COL2A1: variants seen among roughly 807,000 people sequenced by gnomAD.
The protein encoded by COL2A1 is collagen alpha-1(II) chain.
COL2A1 carries 28 observed loss-of-function variants against 204.5 expected under a neutral mutation model. The observed-to-expected ratio is 0.14, with a 90% confidence interval of 0.10 to 0.19. COL2A1 has a LOEUF of 0.19. Among genes scored for constraint, COL2A1 ranks in the 10% least tolerant of loss-of-function variants. COL2A1 has a pLI of 1.00. For synonymous variants in COL2A1, 708 were observed against 718.7 expected (o/e 0.99, Z 0.24); for missense variants, 1,388 against 2,027.5 (o/e 0.68, Z 6.06).
intron 36 of COL2A1, 137 bp downstream of exon 36, chr12:47,981,639 G>GC: frequency 1.8e-6 from 2 of 1,101,536 alleles, no homozygotes; most frequent in South Asian, 1.3e-5. Context: ...TTCTGAGAGG[G>GC]CCCCCTCTTC....
chr12:48,004,428 T>G lies in COL2A1; in HGVS notation c.-107A>C. On this transcript the variant is annotated 5_prime_UTR_variant, in exon 1 of 54. Transcript: ENST00000380518. Reference sequence around the variant, plus strand: ...ACCGCGCCCTCATGCAGGAGGCCCTTGGAGCAGGAGGGGGAAGCGGGAGAC... The same window carrying G: ...ACCGCGCCCTCATGCAGGAGGCCCTGGGAGCAGGAGGGGGAAGCGGGAGAC... The G allele has an allele frequency of 3.1e-6, 2 of 644,228 alleles. No individual in the cohort carries two copies. The highest frequency in any genetic ancestry group is 2.7e-6 in the Non-Finnish European group (1 of 364,082). 39.9% of individuals were successfully genotyped at this position (644,228 alleles called of 1,614,324 possible).
In COL2A1 at chr12:47,977,887, C is replaced by T. The variant is rs562049171; in HGVS notation, c.3111+123G>A. 880 of 1,013,972 alleles carry T rather than the reference C, an allele frequency of 8.7e-4. 10 individuals carry two copies. The South Asian group carries it at 0.011, about 13-fold the overall frequency. 62.8% of individuals were successfully genotyped at this position (1,013,972 alleles called of 1,614,324 possible). A position where few individuals can be genotyped will look rare whatever the true frequency, so the allele number is the denominator to read the frequency against. On this transcript the variant is annotated intron_variant, in intron 44 of 53. Coordinates refer to ENST00000380518, the MANE Select transcript of COL2A1 (RefSeq NM_001844.5). Reference sequence around the variant, plus strand: ...ATTGTACCTAGGCTTTCAGGCCTGTCGGCCGACACTGCCACCCCCTTCTCC... The same window carrying T: ...ATTGTACCTAGGCTTTCAGGCCTGTTGGCCGACACTGCCACCCCCTTCTCC...
Position 47,993,879 on chromosome 12 carries a change from A to G in COL2A1, c.871-17T>C. On this transcript the variant is annotated splice_polypyrimidine_tract_variant and intron_variant, in intron 13 of 53. Coordinates refer to ENST00000380518, the MANE Select transcript of COL2A1 (RefSeq NM_001844.5). The stretch of plus-strand genomic sequence containing the variant: ...TGGATAACCCTAGGGAACAAGAGAA[A>G]ATGTTCAATCAGACTTCTGGGAAAC... 1 of 1,614,138 alleles carries G rather than the reference A, an allele frequency of 6.2e-7. No individual in the cohort carries two copies. The highest frequency in any genetic ancestry group is 8.5e-7 in the Non-Finnish European group (1 of 1,180,016).
chr12:47,998,615 T>C, intron 2 of COL2A1, 184 bp from the exon 3 acceptor site: 1 of 638,808 alleles, frequency 1.6e-6, no homozygotes, highest in Non-Finnish European at 2.8e-6. Flanking sequence ...GGCCCTGGGG[T>C]TGCTGAGGTC....
rs769500366 is a variant in COL2A1, at chr12:47,978,600, G to A, written c.2892C>T (p.Pro964=). 5.6e-6 allele frequency: 9 copies of A among 1,613,408 alleles called. No individual in the cohort carries two copies. The South Asian group carries it at 9.9e-5, about 18-fold the overall frequency. The change falls in exon 42 of 54, where the codon CCC becomes CCT. Residue 964 remains proline (P), a synonymous_variant. Transcript: ENST00000380518. This position sits in a 1 kb window ranked among gnomAD's most constrained non-coding sequence, Gnocchi z 5.5. ...ATGGGCCTGGTGAGGGACTTACAGA[G>A]GGACCGTCATCTCCAGGCTCTCCCT... ...GEKGEPGDDG[P]SGAEGPPGPQ...
rs954884935 is a variant in COL2A1 at position 47,980,584 on chromosome 12, A to G, written c.2595T>C (p.Pro865=). 1.2e-6 allele frequency: 2 copies of G among 1,612,058 alleles called. No individual in the cohort carries two copies. The highest frequency in any genetic ancestry group is 2.7e-5 in the African/African-American group (2 of 74,906). Residue 865 remains proline, a synonymous_variant, in exon 39 of 54, where the codon CCT becomes CCC. Transcript: ENST00000380518. This position sits in a 1 kb window ranked among gnomAD's most constrained non-coding sequence, Gnocchi z 4.5. ...GQKGDAGAPG[P]QGPSGAPGPQ... ...GCCCAGGTGCTCCAGAGGGGCCCTG[A>G]GGACCAGGGGCACCAGCATCGCCTT...
At position 47,973,314 on chromosome 12, in the gene COL2A1, C is replaced by T; in HGVS notation, c.*93G>A. 1 of 1,539,030 alleles carries T rather than the reference C, an allele frequency of 6.5e-7. No homozygotes were observed. The highest frequency in any genetic ancestry group is 9.0e-7 in the Non-Finnish European group (1 of 1,111,636). ...ATGAATGGACATCAGGTCAGGTCAGCCATTCAGTGCAGAGTCCTAGAGTGA... is the reference window on the plus strand; with the variant it reads ...ATGAATGGACATCAGGTCAGGTCAGTCATTCAGTGCAGAGTCCTAGAGTGA... On this transcript the variant is annotated 3_prime_UTR_variant, in exon 54 of 54. Coordinates refer to ENST00000380518, the MANE Select transcript of COL2A1 (RefSeq NM_001844.5).
intron 18 of COL2A1, among the ~76,000 whole-genome samples, chr12:47,988,989 A>C (rs1939574168): frequency 6.6e-6 from 1 of 150,534 alleles, no homozygotes; most frequent in South Asian, 2.1e-4. Flanking sequence ...ACCTTTCCCC[A>C]CTCCAAAGTT....
intron 16 of COL2A1, among the ~76,000 whole-genome samples, chr12:47,992,190 C>T (rs569208140): frequency 6.6e-6 from 1 of 152,276 alleles, no homozygotes; most frequent in East Asian, 1.9e-4. Flanking sequence ...CTGTCTGGCA[C>T]CCTGCACCCT....
chr12:47,994,387 A>G (rs762793984), intron 12 of COL2A1, 37 bp downstream of exon 12: 9 of 1,613,034 alleles, frequency 5.6e-6, no homozygotes, highest in Non-Finnish European at 6.8e-6. Context: ...GGGAGACGCT[A>G]GGAAAGATGC....
In COL2A1 at chr12:47,987,787, GC is replaced by G; in HGVS notation, c.1123-79del. On this transcript the variant is annotated intron_variant, in intron 18 of 53. Coordinates refer to ENST00000380518, the MANE Select transcript of COL2A1 (RefSeq NM_001844.5). This position sits in a 1 kb window ranked among gnomAD's most constrained non-coding sequence, Gnocchi z 4.1. Reference sequence around the variant, plus strand: ...TCTAGTGGGTGGGCAATAGCTCAGGGCCAGCTGCAAGCACAGCACTAAATTA... The same window carrying G: ...TCTAGTGGGTGGGCAATAGCTCAGGGCAGCTGCAAGCACAGCACTAAATTA... The G allele has an allele frequency of 9.0e-7, 1 of 1,112,332 alleles. No individual in the cohort carries two copies. 68.9% of individuals were successfully genotyped at this position (1,112,332 alleles called of 1,614,324 possible). A position where few individuals can be genotyped will look rare whatever the true frequency, so the allele number is the denominator to read the frequency against.
At chr12:47,989,872 A>G in intron 16 of COL2A1, 67 bp from the exon 17 acceptor site, 18 of 1,490,166 alleles carry the variant, frequency 1.2e-5, no homozygotes, top group Non-Finnish European at 1.7e-5. Flanking sequence ...CTCCCAGCCC[A>G]CCCTTACAGA....
chr12:48,004,982 A>G (rs975568605), upstream of COL2A1, among the ~76,000 whole-genome samples: 5 of 152,174 alleles, frequency 3.3e-5, no homozygotes, highest in African/African-American at 9.7e-5. Context: ...GCCCACAGAG[A>G]TTCAGAGTCC....
intron 1 of COL2A1, among the ~76,000 whole-genome samples, chr12:48,001,536 A>C (rs377326443): frequency 2.6e-5 from 4 of 152,046 alleles, no homozygotes; most frequent in Admixed American, 6.5e-5. Context: ...ACCCTCGCCC[A>C]TGAGGACCCA....
chr12:47,993,989 C>A lies in COL2A1; in HGVS notation c.870+5G>T. 1.2e-6 allele frequency: 2 copies of A among 1,614,174 alleles called. No individual in the cohort carries two copies. The highest frequency in any genetic ancestry group is 1.1e-5 in the South Asian group (1 of 91,082). Reference sequence around the variant, plus strand: ...CCTTCCAACCTTCTCACCCGTGATACTTACTCTGTGACCTTTGACACCAGG... The same window carrying A: ...CCTTCCAACCTTCTCACCCGTGATAATTACTCTGTGACCTTTGACACCAGG... On this transcript the variant is annotated splice_donor_5th_base_variant and intron_variant, in intron 13 of 53. Transcript: ENST00000380518.
rs1478366137 is a variant in COL2A1, at chr12:47,980,460, G to A, written c.2625+94C>T. ...AACATGGGGGTGTTCCCAGGCCTGC[G>A]AACCATCCTCTGCGCAGCCTGCTGG... On this transcript the variant is annotated intron_variant, in intron 39 of 53. Coordinates refer to ENST00000380518, the MANE Select transcript of COL2A1 (RefSeq NM_001844.5). This position sits in a 1 kb window ranked among gnomAD's most constrained non-coding sequence, Gnocchi z 4.5. 62 of 1,182,698 alleles carry A rather than the reference G, an allele frequency of 5.2e-5. No individual in the cohort carries two copies. In the East Asian group the frequency reaches 1.1e-3, roughly 21 times the overall value. 73.3% of individuals were successfully genotyped at this position (1,182,698 alleles called of 1,614,324 possible). A position where few individuals can be genotyped will look rare whatever the true frequency, so the allele number is the denominator to read the frequency against.
chr12:47,990,985 G>C (rs1736959236), intron 16 of COL2A1, among the ~76,000 whole-genome samples: 1 of 152,220 alleles, frequency 6.6e-6, no homozygotes, highest in African/African-American at 2.4e-5. Flanking sequence ...GGGAGCTCGT[G>C]TTTTAAATAC....
upstream of COL2A1, chr12:48,005,794 A>G (rs552534498): frequency 1.3e-5 from 2 of 152,362 alleles, no homozygotes; most frequent in South Asian, 4.1e-4. Context: ...CCTCCTGGGC[A>G]GTTTTGTTTC....
intron 27 of COL2A1, 147 bp from the exon 28 acceptor site, chr12:47,984,746 G>A (rs375492227): frequency 1.2e-6 from 1 of 828,462 alleles, no homozygotes. Flanking sequence ...TCTGTTCAGG[G>A]GCCATAATGG....
Sources: allele counts gnomAD v4.1 joint callset (sites outside exome capture counted in the v4.1 genomes callset), GRCh38; gene constraint gnomAD v4.1.1; non-coding constraint Gnocchi (gnomAD v3.1); transcripts MANE v1.5; gene names NCBI Gene and HGNC (gene_info 2026-07-23, HGNC 2026-07-21).